The following SMARCA4 variants were observed in gnomAD, a reference collection of about 807,000 sequenced individuals.
SMARCA4 encodes the protein SWI/SNF related BAF chromatin remodeling complex subunit ATPase 4, also known as SWI/SNF-related matrix-associated actin-dependent regulator of chromatin subfamily A member 4.
SMARCA4 carries 31 observed loss-of-function variants against 193.9 expected under a neutral mutation model. The ratio of observed to expected loss-of-function variants is 0.16; its 90% CI spans 0.12 to 0.22. The LOEUF is 0.22. Among genes scored for constraint, SMARCA4 ranks in the 10% least tolerant of loss-of-function variants. The pLI is 1.00. For missense variants in SMARCA4, 1,148 were observed against 2,296.0 expected (o/e 0.50, Z 10.22); for synonymous variants, 942 against 933.1 (o/e 1.01, Z -0.17).
At chr19:10,961,431 A>C (rs2083792211) in intron 1 of SMARCA4, 1 of 150,906 alleles carries the variant, frequency 6.6e-6, no homozygotes, top group African/African-American at 2.4e-5. Flanking sequence ...AGGCCGCGCG[A>C]TCCTCTCCGC....
chr19:11,018,614 T>C (rs1286466779), intron 16 of SMARCA4, among the ~76,000 whole-genome samples: 1 of 152,230 alleles, frequency 6.6e-6, no homozygotes, highest in Non-Finnish European at 1.5e-5. Context: ...GTGAAGCCTG[T>C]GCTCTGAAGC....
rs200130901 is a variant in SMARCA4, at chr19:11,012,787, T to C, written c.2275-162T>C. ...AAGGATGAGGCTAAGCGATAAAGAA[T>C]CAGTTTGGTTCAGAGGAAAAATCCG... On this transcript the variant is annotated intron_variant, in intron 15 of 34. Transcript: ENST00000344626. 8 of 701,784 alleles carry C rather than the reference T, an allele frequency of 1.1e-5. No homozygotes were observed. The East Asian group carries it at 1.9e-4, about 17-fold the overall frequency. 43.5% of individuals were successfully genotyped at this position (701,784 alleles called of 1,614,324 possible). A position where few individuals can be genotyped will look rare whatever the true frequency, so the allele number is the denominator to read the frequency against.
rs532264213 is a variant in SMARCA4, at chr19:11,027,758, T to A, written c.3216-26T>A. ...GTTCCAGGTTTAACATCCTGCGCCT[T>A]CTCTCCTGCCTCCTCCACACTCCAG... On this transcript the variant is annotated intron_variant, in intron 23 of 34. Coordinates refer to ENST00000344626, the MANE Select transcript of SMARCA4 (RefSeq NM_003072.5). 1.6e-5 allele frequency: 26 copies of A among 1,613,694 alleles called. 1 individual carries two copies. In the South Asian group the frequency reaches 2.9e-4, roughly 18 times the overall value.
intron 16 of SMARCA4, among the ~76,000 whole-genome samples, chr19:11,018,527 G>C (rs955784500): frequency 6.6e-6 from 1 of 152,210 alleles, no homozygotes; most frequent in East Asian, 1.9e-4. Flanking sequence ...TCCGTGGCTG[G>C]AGGGTGGCAG....
Position 10,985,236 on chromosome 19 carries a change from A to G in SMARCA4, c.223-37A>G. 1.2e-6 allele frequency: 2 copies of G among 1,612,842 alleles called. No homozygotes were observed. The highest frequency in any genetic ancestry group is 2.2e-5 in the East Asian group (1 of 44,830). ...TAGCTGCGCTGCCACCTCACGTTCC[A>G]CATGCTGACCCTGCCTTGCCATGGT... On this transcript the variant is annotated intron_variant, in intron 2 of 34. Transcript: ENST00000344626. The surrounding 1 kb of genome is among the most constrained non-coding windows in gnomAD (Gnocchi z 4.5).
chr19:11,051,768 A>C (rs1245410105), intron 30 of SMARCA4, among the ~76,000 whole-genome samples: 2 of 150,880 alleles, frequency 1.3e-5, no homozygotes, highest in Non-Finnish European at 3.0e-5. Flanking sequence ...GGATTACAGG[A>C]GTGAGCCACC....
chr19:10,983,448 T>TTTC (rs1299700519), intron 1 of SMARCA4: 1 of 151,884 alleles, frequency 6.6e-6, no homozygotes, highest in Non-Finnish European at 1.5e-5. Context: ...TTTTTTTTTT[T>TTTC]TTCTGAGACA....
intron 1 of SMARCA4, among the ~76,000 whole-genome samples, chr19:10,977,978 C>T (rs2085277213): frequency 6.6e-6 from 1 of 152,218 alleles, no homozygotes. Flanking sequence ...TGAACTCTTC[C>T]ACTTCCCTGT....
At chr19:11,059,198 A>C (rs893879199) in intron 32 of SMARCA4, 13 of 363,988 alleles carry the variant, frequency 3.6e-5, no homozygotes, top group Admixed American at 1.7e-4. Context: ...GAAAATAAAG[A>C]TAGGCACAAC....
intron 34 of SMARCA4, 105 bp downstream of exon 34, chr19:11,060,292 C>A: frequency 7.2e-7 from 1 of 1,381,778 alleles, no homozygotes; most frequent in Non-Finnish European, 1.0e-6. Flanking sequence ...CCCCACGCTG[C>A]AGGTGGGAAA....
rs113131294 is a variant in SMARCA4 at position 11,059,900 on chromosome 19, G to T, written c.4768+15G>T. On this transcript the variant is annotated intron_variant, in intron 33 of 34. Transcript: ENST00000344626. ...CGAATCCGAATGTGAGTCCCGGGGG[G>T]GTTCAGGACGCCGGGGTTCACGCTG... 4.3e-6 allele frequency: 7 copies of T among 1,613,618 alleles called. No homozygotes were observed. The highest frequency in any genetic ancestry group is 3.3e-5 in the Admixed American group (2 of 60,008).
At chr19:10,963,647 C>G (rs568497954) in intron 1 of SMARCA4, among the ~76,000 whole-genome samples, 1 of 152,146 alleles carries the variant, frequency 6.6e-6, no homozygotes, top group African/African-American at 2.4e-5. Flanking sequence ...TAGGGCCCCC[C>G]ACTTGTGAAA....
At chr19:11,057,014 C>T (rs1205314429) in intron 30 of SMARCA4, among the ~76,000 whole-genome samples, 1 of 152,248 alleles carries the variant, frequency 6.6e-6, no homozygotes, top group African/African-American at 2.4e-5. Flanking sequence ...TGGGAAAGAA[C>T]ATAAGGAAAG....
At chr19:11,000,890 A>T (rs920663150) in intron 11 of SMARCA4, among the ~76,000 whole-genome samples, 1 of 149,194 alleles carries the variant, frequency 6.7e-6, no homozygotes, top group African/African-American at 2.5e-5. Context: ...ATGAAGTGGG[A>T]AAGTGCATGA....
intron 13 of SMARCA4, among the ~76,000 whole-genome samples, chr19:11,004,807 C>T (rs961338771): frequency 1.3e-5 from 2 of 149,836 alleles, no homozygotes; most frequent in Non-Finnish European, 3.0e-5. Flanking sequence ...CTTTTGTGTT[C>T]AATGTTTTTT....
chr19:11,024,613 G>C (rs566809017), intron 21 of SMARCA4, among the ~76,000 whole-genome samples, 175 bp downstream of exon 21: 1 of 152,286 alleles, frequency 6.6e-6, no homozygotes, highest in South Asian at 2.1e-4. Context: ...CACTGACTCA[G>C]CTGCCAGTGG....
At chr19:11,059,689 C>T (rs2147110525) in intron 32 of SMARCA4, 64 bp from the exon 33 acceptor site, 1 of 1,531,864 alleles carries the variant, frequency 6.5e-7, no homozygotes, top group Non-Finnish European at 8.9e-7. Flanking sequence ...GGGCTGGGGC[C>T]AGGGCCGGGC....
rs372348262 is a variant in SMARCA4, at chr19:11,019,963, T to C, written c.2616+262T>C. Reference sequence around the variant, plus strand: ...CATGCGCTCTGCCTCCTCTCGGGCCTTCTGCCCAGAGAGCCTCAGCACCAA... The same window carrying C: ...CATGCGCTCTGCCTCCTCTCGGGCCCTCTGCCCAGAGAGCCTCAGCACCAA... On this transcript the variant is annotated intron_variant, in intron 18 of 34. Coordinates refer to ENST00000344626, the MANE Select transcript of SMARCA4 (RefSeq NM_003072.5). This position sits in a 1 kb window ranked among gnomAD's most constrained non-coding sequence, Gnocchi z 6.1. Among the ~76,000 whole-genome samples the C allele has an allele frequency of 2.1e-4, 32 of 152,240 alleles. 1 individual carries two copies. Among genetic ancestry groups the C allele is most frequent in the East Asian group, 1.5e-3 (8 of 5,188 alleles).
chr19:11,026,402 G>A (rs911188549), intron 23 of SMARCA4, 56 bp downstream of exon 23: 16 of 1,429,862 alleles, frequency 1.1e-5, no homozygotes, highest in Admixed American at 1.7e-5. Flanking sequence ...GAGGTTTTCT[G>A]TCGTTTTGTT....
Sources: gnomAD v4.1 joint callset for allele counts (sites outside exome capture counted in the v4.1 genomes callset) on GRCh38, gnomAD v4.1.1 for gene constraint, Gnocchi (gnomAD v3.1) non-coding constraint, MANE v1.5 for transcripts, NCBI Gene and HGNC (gene_info 2026-07-23, HGNC 2026-07-21) for gene names.